Variants in CDC73 observed in about 807,000 individuals in gnomAD.
CDC73 encodes cell division cycle 73, also known as parafibromin.
In CDC73, 21 loss-of-function variants were observed where a neutral mutation model predicts 83.7. That is an observed-to-expected ratio of 0.25 (90% confidence interval 0.18 to 0.36). CDC73 has a LOEUF of 0.36. Among genes scored for constraint, CDC73 ranks in the 10% least tolerant of loss-of-function variants. The pLI, the probability that CDC73 is intolerant of heterozygous loss-of-function variation, is 1.00. For synonymous variants in CDC73, 224 were observed against 212.9 expected (o/e 1.05, Z -0.45); for missense variants, 342 against 653.3 (o/e 0.52, Z 5.19).
chr1:193,167,703 C>T (rs1256626781), intron 10 of CDC73, among the ~76,000 whole-genome samples: 1 of 151,924 alleles, frequency 6.6e-6, no homozygotes, highest in East Asian at 1.9e-4. Flanking sequence ...TCTGACCATT[C>T]CTTTCATCTG....
intron 11 of CDC73, among the ~76,000 whole-genome samples, chr1:193,204,480 G>A (rs1422345469): frequency 2.6e-5 from 4 of 151,204 alleles, no homozygotes; most frequent in Non-Finnish European, 4.4e-5. Context: ...TAGTAGAGAC[G>A]GGGTTTCACT....
chr1:193,165,626 T>A (rs540711441), intron 10 of CDC73, among the ~76,000 whole-genome samples: 23 of 152,270 alleles, frequency 1.5e-4, no homozygotes, highest in Non-Finnish European at 2.8e-4. Context: ...ACTCATTTGA[T>A]TGTATTTACA....
At chr1:193,136,670 A>C (rs1453167936) in intron 5 of CDC73, 12 of 173,196 alleles carry the variant, frequency 6.9e-5, no homozygotes. Context: ...TACTGGGTAT[A>C]AATTTTGTGG....
At chr1:193,165,076 AG>A (rs1676412950) in intron 10 of CDC73, among the ~76,000 whole-genome samples, 1 of 152,166 alleles carries the variant, frequency 6.6e-6, no homozygotes. Context: ...CTTTTTAAAG[AG>A]ATGAGGTCTC....
chr1:193,168,928 T>G (rs1676476808), intron 10 of CDC73, among the ~76,000 whole-genome samples: 2 of 152,236 alleles, frequency 1.3e-5, no homozygotes, highest in South Asian at 2.1e-4. Context: ...TTTCGTGTAA[T>G]TTTTACATTT....
At chr1:193,192,692 G>T (rs1277854588) in intron 10 of CDC73, among the ~76,000 whole-genome samples, 1 of 152,218 alleles carries the variant, frequency 6.6e-6, no homozygotes, top group African/African-American at 2.4e-5. Flanking sequence ...CTGATATTCA[G>T]TGAAAGAGCA....
chr1:193,140,446 C>T (rs866106367), intron 6 of CDC73, among the ~76,000 whole-genome samples: 2 of 152,114 alleles, frequency 1.3e-5, no homozygotes, highest in Admixed American at 6.6e-5. Flanking sequence ...CCTGAAACCT[C>T]GGATAGTCCT....
rs1160194380 is a variant in CDC73, at chr1:193,254,790, C to T, written c.*4078C>T. 1.3e-5 allele frequency among the ~76,000 whole-genome samples: 2 copies of T among 152,038 alleles called. No individual in the cohort carries two copies. The highest frequency in any genetic ancestry group is 4.8e-5 in the African/African-American group (2 of 41,412). On this transcript the variant is annotated 3_prime_UTR_variant, in exon 17 of 17. Transcript: ENST00000367435. Reference sequence around the variant, plus strand: ...TATGAGTAAAGCTAATGAAATAAAACTAGTTTTATTGCCAAAATTCAAAAA... The same window carrying T: ...TATGAGTAAAGCTAATGAAATAAAATTAGTTTTATTGCCAAAATTCAAAAA...
intron 10 of CDC73, among the ~76,000 whole-genome samples, chr1:193,178,340 CTT>C (rs1471547916): frequency 6.6e-6 from 1 of 151,976 alleles, no homozygotes; most frequent in Non-Finnish European, 1.5e-5. Flanking sequence ...TAAATTGAAA[CTT>C]GAGATAGGAA....
chr1:193,191,201 G>T (rs549187650), intron 10 of CDC73, among the ~76,000 whole-genome samples: 1 of 152,250 alleles, frequency 6.6e-6, no homozygotes, highest in South Asian at 2.1e-4. Flanking sequence ...TTGGCCAATG[G>T]TTCACCATAT....
chr1:193,183,828 A>C (rs375795480), intron 10 of CDC73, among the ~76,000 whole-genome samples: 2 of 152,018 alleles, frequency 1.3e-5, no homozygotes, highest in East Asian at 1.9e-4. Flanking sequence ...TAATACTTGG[A>C]ATCTGGTTGA....
At chr1:193,129,573 C>CT in intron 2 of CDC73, among the ~76,000 whole-genome samples, 1 of 151,882 alleles carries the variant, frequency 6.6e-6, no homozygotes, top group East Asian at 1.9e-4. Context: ...GTGGTGCAGT[C>CT]TCGGCTCACT....
intron 10 of CDC73, among the ~76,000 whole-genome samples, chr1:193,160,122 A>G (rs940152571): frequency 1.1e-4 from 16 of 152,196 alleles, no homozygotes; most frequent in Admixed American, 5.2e-4. Context: ...GCATTTTGTT[A>G]AAGAATAACT....
At chr1:193,229,343 A>G (rs1025145492) in intron 13 of CDC73, among the ~76,000 whole-genome samples, 6 of 152,256 alleles carry the variant, frequency 3.9e-5, no homozygotes, top group African/African-American at 1.4e-4. Flanking sequence ...GTGTCCCACA[A>G]AATTTATATG....
intron 1 of CDC73, among the ~76,000 whole-genome samples, chr1:193,123,689 A>G (rs532860148): frequency 2.6e-5 from 4 of 151,846 alleles, no homozygotes; most frequent in Non-Finnish European, 4.4e-5. Flanking sequence ...TTTTTAGACA[A>G]TGGCTAAGGA....
chr1:193,168,217 G>A (rs1053612561), intron 10 of CDC73, among the ~76,000 whole-genome samples: 8 of 151,898 alleles, frequency 5.3e-5, no homozygotes, highest in Non-Finnish European at 1.2e-4. Context: ...ATGTGGTGTA[G>A]GTACCAGTAA....
intron 13 of CDC73, among the ~76,000 whole-genome samples, chr1:193,219,742 C>G (rs952653489): frequency 6.6e-6 from 1 of 152,044 alleles, no homozygotes; most frequent in Non-Finnish European, 1.5e-5. Context: ...AGGGTGGAAG[C>G]TGGGAAGAGG....
chr1:193,227,685 T>C (rs1412431194), intron 13 of CDC73, among the ~76,000 whole-genome samples: 1 of 152,186 alleles, frequency 6.6e-6, no homozygotes, highest in Non-Finnish European at 1.5e-5. Flanking sequence ...TCCATAGAGA[T>C]GTATTTAAAG....
chr1:193,177,520 ACT>A (rs1213567204), intron 10 of CDC73, among the ~76,000 whole-genome samples: 1 of 146,286 alleles, frequency 6.8e-6, no homozygotes, highest in Non-Finnish European at 1.5e-5. Flanking sequence ...ACAGAGCAAG[ACT>A]CTGTCTAAAA....
Sources: gnomAD v4.1 joint callset for allele counts (sites outside exome capture counted in the v4.1 genomes callset) on GRCh38, gnomAD v4.1.1 for gene constraint, MANE v1.5 for transcripts, NCBI Gene and HGNC (gene_info 2026-07-23, HGNC 2026-07-21) for gene names.